MYLK4: variants seen among roughly 807,000 people sequenced by gnomAD.
MYLK4 encodes the protein caMLCK like.
Under a neutral mutation model 48.1 loss-of-function variants are expected in MYLK4, and 46 were observed. That is an observed-to-expected ratio of 0.96 (90% CI 0.75 to 1.22). The LOEUF is 1.22. Among genes scored for constraint, MYLK4 ranks in the 50% most tolerant of loss-of-function variants. The pLI is 0.00. For synonymous variants in MYLK4, 170 were observed against 180.8 expected (o/e 0.94, Z 0.48); for missense variants, 451 against 486.1 (o/e 0.93, Z 0.68).
chr6:2,744,678 G>C (rs1764014879), intron 2 of MYLK4, among the ~76,000 whole-genome samples: 1 of 152,088 alleles, frequency 6.6e-6, no homozygotes. Flanking sequence ...TGCTTTGCTT[G>C]GTCTTGGGAG....
At chr6:2,746,096 CA>C (rs368582600) in intron 2 of MYLK4, among the ~76,000 whole-genome samples, 20 of 113,406 alleles carry the variant, frequency 1.8e-4, no homozygotes, top group Admixed American at 1.6e-3. Context: ...ACTAAAAATA[CA>C]AAAAAAAATA....
At chr6:2,714,970 T>C (rs1762813880) in intron 2 of MYLK4, among the ~76,000 whole-genome samples, 1 of 152,132 alleles carries the variant, frequency 6.6e-6, no homozygotes, top group Non-Finnish European at 1.5e-5. Context: ...TGGTCTTTAA[T>C]GGGTACAGAG....
upstream of MYLK4, among the ~76,000 whole-genome samples, chr6:2,752,972 T>C (rs566490008): frequency 3.3e-5 from 5 of 152,348 alleles, no homozygotes; most frequent in East Asian, 1.9e-4. Flanking sequence ...ATACTCATTC[T>C]GGTCTATCAG....
rs892850674 is a variant in MYLK4 at position 2,685,886 on chromosome 6, C to A, written c.342-310G>T. Among the ~76,000 whole-genome samples the A allele has an allele frequency of 6.6e-6, 1 of 151,998 alleles. No homozygotes were observed. The highest frequency in any genetic ancestry group is 1.9e-4 in the East Asian group (1 of 5,174). ...GACCAGTCTGGCCAACATAGTGAAACCCCATCTCTGCTAAAAATACAAATA... is the reference window on the plus strand; with the variant it reads ...GACCAGTCTGGCCAACATAGTGAAAACCCATCTCTGCTAAAAATACAAATA... On this transcript the variant is annotated intron_variant, in intron 4 of 12. Coordinates refer to ENST00000274643, the MANE Select transcript of MYLK4 (RefSeq NM_001012418.5). This position sits in a 1 kb window ranked among gnomAD's most constrained non-coding sequence, Gnocchi z 4.5.
intron 2 of MYLK4, among the ~76,000 whole-genome samples, chr6:2,727,732 A>G (rs1284760061): frequency 6.6e-6 from 1 of 152,126 alleles, no homozygotes; most frequent in Non-Finnish European, 1.5e-5. Flanking sequence ...GCGGATCACG[A>G]GGTCAAGAGA....
At chr6:2,703,894 C>T (rs754952190) in intron 2 of MYLK4, among the ~76,000 whole-genome samples, 2 of 152,102 alleles carry the variant, frequency 1.3e-5, no homozygotes, top group Non-Finnish European at 2.9e-5. Flanking sequence ...TGGTCTCCAT[C>T]TCTTGACCTC....
the MYLK4 span, among the ~76,000 whole-genome samples, chr6:2,759,595 T>C: frequency 6.6e-6 from 1 of 152,252 alleles, no homozygotes; most frequent in Non-Finnish European, 1.5e-5. Flanking sequence ...TTCTGTTCCT[T>C]GTATTTTCAC....
At chr6:2,689,497 C>T (rs1040608246) in intron 3 of MYLK4, among the ~76,000 whole-genome samples, 1 of 152,172 alleles carries the variant, frequency 6.6e-6, no homozygotes, top group African/African-American at 2.4e-5. Flanking sequence ...TCCTGGCTGG[C>T]TGGAAATAAA....
the MYLK4 span, chr6:2,766,487 C>T: frequency 4.8e-6 from 7 of 1,458,648 alleles, no homozygotes; most frequent in Non-Finnish European, 5.5e-6. Context: ...GTTATCTCGG[C>T]GGTGGATGCA....
the MYLK4 span, chr6:2,765,810 GGCCCTC>G: frequency 7.4e-7 from 1 of 1,358,082 alleles, no homozygotes; most frequent in Non-Finnish European, 9.4e-7. Flanking sequence ...CGGGCCAAGG[GGCCCTC>G]GCCGCCCGGC....
intron 2 of MYLK4, among the ~76,000 whole-genome samples, chr6:2,723,767 C>A (rs1763153702): frequency 6.6e-6 from 1 of 152,160 alleles, no homozygotes; most frequent in Non-Finnish European, 1.5e-5. Context: ...ACTTTGGAGC[C>A]CCACTATTTC....
At chr6:2,684,651 A>T (rs1012762481) in intron 6 of MYLK4, among the ~76,000 whole-genome samples, 1 of 149,930 alleles carries the variant, frequency 6.7e-6, no homozygotes, top group African/African-American at 2.5e-5. Flanking sequence ...CAAATTTTTA[A>T]AAAATACAGT....
chr6:2,749,345 CCTCT>C lies in MYLK4; in HGVS notation c.-55_-52del. Reference sequence around the variant, plus strand: ...CTTTCTGGAGTGTGGTTTTCGTCTCCCTCTGTCTCCGATTTATAAATCAGGACAC... The same window carrying C: ...CTTTCTGGAGTGTGGTTTTCGTCTCCGTCTCCGATTTATAAATCAGGACAC... On this transcript the variant is annotated 5_prime_UTR_variant, in exon 2 of 13. Coordinates refer to ENST00000274643, the MANE Select transcript of MYLK4 (RefSeq NM_001012418.5). 1 of 1,448,320 alleles carries C rather than the reference CCTCT, an allele frequency of 6.9e-7. No homozygotes were observed. Among genetic ancestry groups the C allele is most frequent in the Non-Finnish European group, 9.6e-7 (1 of 1,045,034 alleles). 89.7% of individuals were successfully genotyped at this position (1,448,320 alleles called of 1,614,324 possible).
At position 2,749,221 on chromosome 6, in the gene MYLK4, A is replaced by G; in HGVS notation, c.74T>C (p.Phe25Ser). 1.9e-6 allele frequency: 3 copies of G among 1,614,166 alleles called. No individual in the cohort carries two copies. Among genetic ancestry groups the G allele is most frequent in the Non-Finnish European group, 2.5e-6 (3 of 1,179,996 alleles). Residue 25 changes from phenylalanine to serine, a missense_variant, in exon 2 of 13, where the codon TTT becomes TCT. Coordinates refer to ENST00000274643, the MANE Select transcript of MYLK4 (RefSeq NM_001012418.5). ...NSNQLEKMAF[F>S]QCREEVEKVK... ...TTTCTCCACCTCTTCCCTGCACTGA[A>G]AAAAGGCCATTTTCTCCAGCTGGTT...
At chr6:2,694,497 G>A (rs201869773) in intron 2 of MYLK4, among the ~76,000 whole-genome samples, 3 of 48,412 alleles carry the variant, frequency 6.2e-5, no homozygotes, top group East Asian at 3.6e-4. Context: ...GGTCATGGTG[G>A]TGGTGGTGGT....
chr6:2,674,595 C>T (rs562480488), intron 11 of MYLK4, among the ~76,000 whole-genome samples: 4 of 152,218 alleles, frequency 2.6e-5, no homozygotes, highest in South Asian at 4.1e-4. Context: ...ATTTTAAGGC[C>T]GGGTGCAGTG....
the MYLK4 span, among the ~76,000 whole-genome samples, chr6:2,760,424 G>A: frequency 2.0e-5 from 3 of 152,188 alleles, no homozygotes. Context: ...TATGTCCAGA[G>A]TTTTTATTGA....
At chr6:2,755,587 G>T (rs1393483998), upstream of MYLK4, among the ~76,000 whole-genome samples, 1 of 152,052 alleles carries the variant, frequency 6.6e-6, no homozygotes, top group African/African-American at 2.4e-5. Flanking sequence ...TGTTGCTTGT[G>T]CTGGAGTGCA....
upstream of MYLK4, among the ~76,000 whole-genome samples, chr6:2,754,860 C>A (rs1340128092): frequency 2.0e-5 from 3 of 152,160 alleles, no homozygotes; most frequent in Non-Finnish European, 2.9e-5. Context: ...GAGCAGGAGA[C>A]AGTTAAGAGT....
Sources: allele counts gnomAD v4.1 joint callset (sites outside exome capture counted in the v4.1 genomes callset), GRCh38; gene constraint gnomAD v4.1.1; non-coding constraint Gnocchi (gnomAD v3.1); transcripts MANE v1.5; gene names NCBI Gene and HGNC (gene_info 2026-07-23, HGNC 2026-07-21).